The following CAMK2A variants were observed in gnomAD, a reference collection of about 807,000 sequenced individuals.
CAMK2A encodes calcium/calmodulin dependent protein kinase II alpha, also known as calcium/calmodulin-dependent protein kinase type II subunit alpha.
Under a neutral mutation model 79.2 loss-of-function variants are expected in CAMK2A, and 7 were observed. The ratio of observed to expected loss-of-function variants is 0.09; its 90% CI spans 0.05 to 0.17. The LOEUF is 0.17. Among genes scored for constraint, CAMK2A ranks in the 10% least tolerant of loss-of-function variants. The pLI, the probability that CAMK2A is intolerant of heterozygous loss-of-function variation, is 1.00. For missense variants in CAMK2A, 214 were observed against 646.4 expected (o/e 0.33, Z 7.25); for synonymous variants, 242 against 251.7 (o/e 0.96, Z 0.36).
intron 1 of CAMK2A, among the ~76,000 whole-genome samples, chr5:150,273,453 C>T (rs1224143743): frequency 1.3e-5 from 2 of 152,318 alleles, no homozygotes; most frequent in Admixed American, 6.5e-5. Context: ...AGTGTTAGAA[C>T]CGTGGAATCC....
chr5:150,264,828 C>T (rs2150294661), intron 3 of CAMK2A, 128 bp downstream of exon 3: 1 of 713,094 alleles, frequency 1.4e-6, no homozygotes, highest in Non-Finnish European at 2.5e-6. Context: ...CCTTTCCCAT[C>T]TCTGCTGCCT....
chr5:150,249,163 G>A (rs939554692), intron 11 of CAMK2A, among the ~76,000 whole-genome samples: 1 of 152,216 alleles, frequency 6.6e-6, no homozygotes, highest in African/African-American at 2.4e-5. Flanking sequence ...TGGGGCCTCC[G>A]CCTCTTCCCT....
chr5:150,254,938 C>A (rs888452208), intron 6 of CAMK2A, among the ~76,000 whole-genome samples: 1 of 152,208 alleles, frequency 6.6e-6, no homozygotes, highest in East Asian at 1.9e-4. Context: ...GAGTCCTCCT[C>A]TGATCCCCTT....
Position 150,231,287 on chromosome 5 carries a change from T to C in CAMK2A, c.1142+18A>G. The C allele has an allele frequency of 6.6e-7, 1 of 1,514,284 alleles. No individual in the cohort carries two copies. Among genetic ancestry groups the C allele is most frequent in the Non-Finnish European group, 9.0e-7 (1 of 1,110,278 alleles). The allele number at this position is 1,514,284 out of a possible 1,614,324, so 93.8% of individuals were successfully genotyped here. On this transcript the variant is annotated intron_variant, in intron 16 of 18. Coordinates refer to ENST00000671881, the MANE Select transcript of CAMK2A (RefSeq NM_015981.4). ...AACAATCCAGGCAGGACATGCAGAA[T>C]GAGCCCAGCTGACTCACGTGTAGGA...
Position 150,284,769 on chromosome 5 carries a change from G to T in CAMK2A, c.62+4795C>A, listed in dbSNP as rs970492656. Among the ~76,000 whole-genome samples, 10 of 152,102 alleles carry T rather than the reference G, an allele frequency of 6.6e-5. No homozygotes were observed. The highest frequency in any genetic ancestry group is 2.4e-4 in the African/African-American group (10 of 41,412). On this transcript the variant is annotated intron_variant, in intron 1 of 18. Coordinates refer to ENST00000671881, the MANE Select transcript of CAMK2A (RefSeq NM_015981.4). The surrounding 1 kb of genome is among the most constrained non-coding windows in gnomAD (Gnocchi z 5.3). ...GGGCCCTCTCTCTCCTGTGGCCTTG[G>T]ACAAACCACTTCTCTCTGAGTGTTG...
At chr5:150,252,634 T>C (rs2150281343) in intron 7 of CAMK2A, among the ~76,000 whole-genome samples, 1 of 152,354 alleles carries the variant, frequency 6.6e-6, no homozygotes, top group Non-Finnish European at 1.5e-5. Context: ...CCCAGGGTTG[T>C]TGAGCCGGTC....
At chr5:150,265,747 G>A (rs570951851) in intron 2 of CAMK2A, among the ~76,000 whole-genome samples, 5 of 152,144 alleles carry the variant, frequency 3.3e-5, no homozygotes, top group African/African-American at 1.2e-4. Context: ...TTCGAGACCA[G>A]CCTGGACAAC....
intron 1 of CAMK2A, among the ~76,000 whole-genome samples, chr5:150,288,405 C>G (rs1168079561): frequency 6.6e-6 from 1 of 152,188 alleles, no homozygotes; most frequent in Non-Finnish European, 1.5e-5. Context: ...CATTTTCAGG[C>G]CTTACACACG....
intron 15 of CAMK2A, among the ~76,000 whole-genome samples, chr5:150,234,739 G>C (rs762167234): frequency 6.6e-6 from 1 of 152,192 alleles, no homozygotes; most frequent in Non-Finnish European, 1.5e-5. Flanking sequence ...CCAGCAGCCT[G>C]ATATGAGGGG....
intron 13 of CAMK2A, among the ~76,000 whole-genome samples, chr5:150,243,316 C>A (rs1190925648): frequency 6.6e-6 from 1 of 152,180 alleles, no homozygotes; most frequent in East Asian, 1.9e-4. Context: ...TCCCCCAAAT[C>A]GGAACCAGGA....
At chr5:150,245,357 C>T (rs1296286341) in intron 12 of CAMK2A, 156 bp from the exon 13 acceptor site, 1 of 576,272 alleles carries the variant, frequency 1.7e-6, no homozygotes, top group Non-Finnish European at 2.9e-6. Flanking sequence ...TCCTCCTCCT[C>T]CTCCTCCTCC....
Position 150,231,183 on chromosome 5 carries a change from G to A in CAMK2A, c.1142+122C>T, listed in dbSNP as rs114996722. ...CAAAATAGAAATATGAGTTCAGCCC[G>A]ATTCACAGCACATGCAAAGTGAGTG... On this transcript the variant is annotated intron_variant, in intron 16 of 18. Coordinates refer to ENST00000671881, the MANE Select transcript of CAMK2A (RefSeq NM_015981.4). The A allele has an allele frequency of 2.2e-3, 1,108 of 506,020 alleles. 10 individuals are homozygous for A. Among genetic ancestry groups the A allele is most frequent in the African/African-American group, 0.02 (1,006 of 51,106 alleles). The allele number at this position is 506,020 out of a possible 1,614,324, so 31.3% of individuals were successfully genotyped here. A position where few individuals can be genotyped will look rare whatever the true frequency, so the allele number is the denominator to read the frequency against.
chr5:150,235,744 G>A (rs574255970), intron 15 of CAMK2A, among the ~76,000 whole-genome samples: 120 of 152,274 alleles, frequency 7.9e-4, no homozygotes, highest in African/African-American at 2.8e-3. Context: ...CCTGGAGGAT[G>A]ACATTTCTAA....
chr5:150,258,305 G>C (rs1016220911), intron 3 of CAMK2A, among the ~76,000 whole-genome samples: 4 of 152,176 alleles, frequency 2.6e-5, no homozygotes, highest in Admixed American at 6.5e-5. Context: ...TGAGTCCTGG[G>C]GCTGACTCTG....
intron 13 of CAMK2A, among the ~76,000 whole-genome samples, chr5:150,242,399 G>T (rs757987928): frequency 6.6e-5 from 10 of 152,160 alleles, no homozygotes; most frequent in Non-Finnish European, 1.2e-4. Flanking sequence ...AGCCCTCCAA[G>T]GCCCATAAAG....
Position 150,280,657 on chromosome 5 carries a change from C to T in CAMK2A, c.63-7498G>A, listed in dbSNP as rs551150044. ...CCTCCTCCCACCCTCACCACTACCC[C>T]TTGCAGTCCCCGCTGGAGCCTAATG... On this transcript the variant is annotated intron_variant, in intron 1 of 18. Coordinates refer to ENST00000671881, the MANE Select transcript of CAMK2A (RefSeq NM_015981.4). 5.1e-4 allele frequency among the ~76,000 whole-genome samples: 78 copies of T among 152,290 alleles called. 1 individual carries two copies. The highest frequency in any genetic ancestry group is 1.9e-3 in the African/African-American group (77 of 41,558).
chr5:150,237,368 A>AC (rs869267741), intron 15 of CAMK2A, among the ~76,000 whole-genome samples: 109 of 48,356 alleles, frequency 2.3e-3, no homozygotes, highest in South Asian at 8.7e-3. Flanking sequence ...TATTTCAGAG[A>AC]CCCCCCCCTG....
At chr5:150,229,254 C>T (rs1754738672) in intron 16 of CAMK2A, among the ~76,000 whole-genome samples, 1 of 152,204 alleles carries the variant, frequency 6.6e-6, no homozygotes, top group Admixed American at 6.5e-5. Context: ...CTTCTCTACT[C>T]ATGACCCCAA....
chr5:150,238,752 C>A lies in CAMK2A; in HGVS notation c.1018-4G>T. The A allele has an allele frequency of 6.2e-7, 1 of 1,603,116 alleles. No homozygotes were observed. The highest frequency in any genetic ancestry group is 8.5e-7 in the Non-Finnish European group (1 of 1,173,996). ...TGTTGGTGCTCTCTGAGGATTCCTG[C>A]CAAAGAGAATACAGGAGATGGTGAG... On this transcript the variant is annotated splice_region_variant and splice_polypyrimidine_tract_variant and intron_variant, in intron 14 of 18. Coordinates refer to ENST00000671881, the MANE Select transcript of CAMK2A (RefSeq NM_015981.4).
Sources: gnomAD v4.1 joint callset for allele counts (sites outside exome capture counted in the v4.1 genomes callset) on GRCh38, gnomAD v4.1.1 for gene constraint, Gnocchi (gnomAD v3.1) non-coding constraint, MANE v1.5 for transcripts, NCBI Gene and HGNC (gene_info 2026-07-23, HGNC 2026-07-21) for gene names.